Variants in KNTC1 observed in about 807,000 individuals in gnomAD.
KNTC1 encodes kinetochore associated 1.
A neutral mutation model predicts 314.4 loss-of-function variants in KNTC1; 253 were observed. The observed-to-expected ratio is 0.80, with a 90% CI of 0.73 to 0.89. The LOEUF (loss-of-function observed/expected upper bound fraction) is 0.89. Ranked by LOEUF, KNTC1 falls within the 40% of genes least tolerant of loss-of-function variation. The probability of loss-of-function intolerance (pLI) is 0.00; values close to 1 mark genes in which losing one functional copy is unlikely to be tolerated. For missense variants in KNTC1, 2,475 were observed against 2,572.9 expected (o/e 0.96, Z 0.82); for synonymous variants, 901 against 901.4 (o/e 1.00, Z 0.01).
At chr12:122,558,079 G>A (rs1353995372) in intron 18 of KNTC1, among the ~76,000 whole-genome samples, 15 of 144,880 alleles carry the variant, frequency 1.0e-4, no homozygotes, top group African/African-American at 2.6e-4. Flanking sequence ...GTGAAACTCC[G>A]TCTCTACTAA....
rs768386896 is a variant in KNTC1, at chr12:122,591,481, GAT to G, written c.4245+29_4245+30del. On this transcript the variant is annotated intron_variant, in intron 42 of 63. Transcript: ENST00000333479. ...GAGTATTCTTTGTACTGCTGTCATC[GAT>G]TCTGTTAATTACCCGGTTGGAAAAT... 62 of 1,119,462 alleles carry G rather than the reference GAT, an allele frequency of 5.5e-5. No individual in the cohort carries two copies. In the East Asian group the frequency reaches 1.4e-3, roughly 25 times the overall value. The allele number at this position is 1,119,462 out of a possible 1,614,324, so 69.3% of individuals were successfully genotyped here. A position where few individuals can be genotyped will look rare whatever the true frequency, so the allele number is the denominator to read the frequency against.
At chr12:122,534,325 A>C (rs1469899874) in intron 2 of KNTC1, among the ~76,000 whole-genome samples, 3 of 152,166 alleles carry the variant, frequency 2.0e-5, no homozygotes, top group African/African-American at 7.2e-5. Context: ...TGCCTAGCGT[A>C]TCCACGACAC....
chr12:122,618,292 G>A, intron 57 of KNTC1, 51 bp from the exon 58 acceptor site: 1 of 1,553,064 alleles, frequency 6.4e-7, no homozygotes. Flanking sequence ...ATTAAAGAGA[G>A]TTTGTAATAT....
Position 122,587,835 on chromosome 12 carries a change from C to G in KNTC1, c.3855C>G (p.His1285Gln), listed in dbSNP as rs753136807. 5 of 1,613,812 alleles carry G rather than the reference C, an allele frequency of 3.1e-6. No individual in the cohort carries two copies. Among genetic ancestry groups the G allele is most frequent in the Middle Eastern group, 1.6e-4 (1 of 6,062 alleles). ...VVGSFGTCLQ[H>Q]SVSNFMNATL... ...GTTCATTTGGTACCTGTCTTCAGCA[C>G]TCTGTGTCAAACTTCATGAATGCCA... Residue 1285 changes from histidine (H) to glutamine (Q), a missense_variant, in exon 39 of 64, where the codon CAC (histidine) becomes CAG (glutamine). Physicochemically the swap from His to Gln is conservative, Grantham distance 24. Coordinates refer to ENST00000333479, the MANE Select transcript of KNTC1 (RefSeq NM_014708.6).
At chr12:122,541,331 T>TCCTTCCTTCCTTCCTG in intron 5 of KNTC1, among the ~76,000 whole-genome samples, 1 of 144,712 alleles carries the variant, frequency 6.9e-6, no homozygotes, top group African/African-American at 2.7e-5. Context: ...CTTCCGTCCT[T>TCCTTCCTTCCTTCCTG]CCTCTGTCTC....
chr12:122,585,906 C>G (rs1869219915), intron 37 of KNTC1, 132 bp downstream of exon 37: 1 of 775,076 alleles, frequency 1.3e-6, no homozygotes, highest in Non-Finnish European at 2.1e-6. Flanking sequence ...GCTAAAGAAG[C>G]AGATACAAAA....
In KNTC1 at chr12:122,624,648, AACC is replaced by A; in HGVS notation, c.6567_6569del (p.Lys2189_Pro2190delinsAsn). Reference sequence around the variant, plus strand: ...ACTGAATATTCAAAGCACTGCGGGAAACCTGTGCCTCCAGACACTGCTCCCTGT... The same window carrying A: ...ACTGAATATTCAAAGCACTGCGGGAATGTGCCTCCAGACACTGCTCCCTGT... On this transcript the variant is annotated inframe_deletion, in exon 63 of 64. Coordinates refer to ENST00000333479, the MANE Select transcript of KNTC1 (RefSeq NM_014708.6). 6.2e-7 allele frequency: 1 copy of A among 1,613,676 alleles called. No individual in the cohort carries two copies. Among genetic ancestry groups the A allele is most frequent in the South Asian group, 1.1e-5 (1 of 91,082 alleles).
At position 122,539,731 on chromosome 12, in the gene KNTC1, T is replaced by C; in HGVS notation, c.422T>C (p.Ile141Thr). The change falls in exon 5 of 64, where the codon ATT becomes ACT. Residue 141 changes from isoleucine (I) to threonine (T), a missense_variant. Coordinates refer to ENST00000333479, the MANE Select transcript of KNTC1 (RefSeq NM_014708.6). ...CGGCGGACTTACCAGAATCTTGTCATTGAGAAGGATGGTTCAAATGAAGGT... is the reference window on the plus strand; with the variant it reads ...CGGCGGACTTACCAGAATCTTGTCACTGAGAAGGATGGTTCAAATGAAGGT... ...ENRRTYQNLV[I>T]EKDGSNEGTY... 6.3e-7 allele frequency: 1 copy of C among 1,577,312 alleles called. No individual in the cohort carries two copies.
At chr12:122,601,827 T>G in intron 45 of KNTC1, 1 of 494,650 alleles carries the variant, frequency 2.0e-6, no homozygotes, top group South Asian at 3.8e-5. Flanking sequence ...TCACTTATCT[T>G]CATCCTTTTT....
intron 6 of KNTC1, among the ~76,000 whole-genome samples, 186 bp downstream of exon 6, chr12:122,542,313 C>T (rs975640110): frequency 6.6e-6 from 1 of 152,148 alleles, no homozygotes; most frequent in Non-Finnish European, 1.5e-5. Flanking sequence ...GGAACAGTAT[C>T]TGAATAAATG....
At chr12:122,599,241 C>G (rs537995515) in intron 44 of KNTC1, among the ~76,000 whole-genome samples, 1 of 151,926 alleles carries the variant, frequency 6.6e-6, no homozygotes. Flanking sequence ...GCTGGAACTA[C>G]AGGGACTACA....
chr12:122,540,078 C>T (rs763707140), intron 5 of KNTC1, among the ~76,000 whole-genome samples: 50 of 151,930 alleles, frequency 3.3e-4, no homozygotes, highest in African/African-American at 1.2e-3. Context: ...GCCACTGCGC[C>T]CAGCCTGAAT....
Position 122,603,127 on chromosome 12 carries a change from T to C in KNTC1, c.4985T>C (p.Leu1662Pro). 6.2e-7 allele frequency: 1 copy of C among 1,613,774 alleles called. No homozygotes were observed. The highest frequency in any genetic ancestry group is 8.5e-7 in the Non-Finnish European group (1 of 1,179,818). ...TTAACACAAGCTAAATCCTCAACACTGATTAACAAGGAAATAACTAAGATC... is the reference window on the plus strand; with the variant it reads ...TTAACACAAGCTAAATCCTCAACACCGATTAACAAGGAAATAACTAAGATC... ...LKLTQAKSST[L>P]INKEITKITQ... The change falls in exon 48 of 64, where the codon CTG (leucine) becomes CCG (proline). Residue 1662 changes from leucine (L) to proline (P), a missense_variant. Transcript: ENST00000333479.
At chr12:122,622,431 T>G (rs1874538816) in intron 61 of KNTC1, 31 bp from the exon 62 acceptor site, 1 of 1,482,516 alleles carries the variant, frequency 6.7e-7, no homozygotes, top group African/African-American at 1.4e-5. Flanking sequence ...AGATTAGAAG[T>G]CTGATCTTAA....
At chr12:122,569,171 T>C (rs1426658234) in intron 21 of KNTC1, among the ~76,000 whole-genome samples, 1 of 151,970 alleles carries the variant, frequency 6.6e-6, no homozygotes, top group Non-Finnish European at 1.5e-5. Context: ...AAAAAAAGAG[T>C]CTAACTCCTA....
At chr12:122,591,588 ACATAGGTGCTTT>A (rs1205995433) in intron 42 of KNTC1, 135 bp downstream of exon 42, 9 of 583,448 alleles carry the variant, frequency 1.5e-5, no homozygotes, top group Non-Finnish European at 2.1e-5. Context: ...TTAACTACAC[ACATAGGTGCTTT>A]CAAAGAAATA....
rs1869569599 is a variant in KNTC1 at position 122,587,743 on chromosome 12, A to G, written c.3763A>G (p.Ile1255Val). Residue 1255 changes from isoleucine (I) to valine (V), a missense_variant, in exon 39 of 64, where the codon ATC (isoleucine) becomes GTC (valine). Transcript: ENST00000333479. ...DGLVLPVINS[I>V]SALLQNLQES... ...CCTTGTTTTACCTGTTATAAATTCC[A>G]TCTCTGCCCTGCTTCAGAATCTTCA... 9 of 1,613,648 alleles carry G rather than the reference A, an allele frequency of 5.6e-6. No homozygotes were observed. Among genetic ancestry groups the G allele is most frequent in the African/African-American group, 1.3e-5 (1 of 75,032 alleles).
intron 59 of KNTC1, 115 bp downstream of exon 59, chr12:122,618,660 C>G: frequency 1.2e-6 from 1 of 817,368 alleles, no homozygotes; most frequent in Non-Finnish European, 2.0e-6. Context: ...AAGCATAACA[C>G]GTGTTTGTTG....
At chr12:122,539,785 CTT>C (rs35303600) in intron 5 of KNTC1, 31 bp downstream of exon 5, 19,884 of 1,037,296 alleles carry the variant, frequency 0.019, no homozygotes, top group South Asian at 0.022. Context: ...TTTTGAATGA[CTT>C]TTTTTTTTTT....
Sources: gnomAD v4.1 joint callset for allele counts (sites outside exome capture counted in the v4.1 genomes callset) on GRCh38, gnomAD v4.1.1 for gene constraint, MANE v1.5 for transcripts, NCBI Gene and HGNC (gene_info 2026-07-23, HGNC 2026-07-21) for gene names.